DIAPH3: variants seen among roughly 807,000 people sequenced by gnomAD.
DIAPH3 encodes the protein protein diaphanous homolog 3.
In DIAPH3, 117 loss-of-function variants were observed where a neutral mutation model predicts 144.3. That is an observed-to-expected ratio of 0.81 (90% CI 0.70 to 0.95). The LOEUF (loss-of-function observed/expected upper bound fraction) is 0.95. DIAPH3 is among the 40% of genes least tolerant of loss of function. DIAPH3 has a pLI of 0.00. For synonymous variants in DIAPH3, 519 were observed against 488.9 expected, an observed-to-expected ratio of 1.06 and a Z score of -0.81; for missense variants, 1,421 against 1,412.7, an observed-to-expected ratio of 1.01 and a Z score of -0.09.
chr13:60,077,636 A>T (rs2057421738), intron 4 of DIAPH3, among the ~76,000 whole-genome samples: 1 of 152,142 alleles, frequency 6.6e-6, no homozygotes, highest in South Asian at 2.1e-4. Context: ...ACCTGCAAAC[A>T]TGTCCAGAGA....
At chr13:59,877,187 A>G (rs916358360) in intron 21 of DIAPH3, among the ~76,000 whole-genome samples, 4 of 152,080 alleles carry the variant, frequency 2.6e-5, no homozygotes, top group Non-Finnish European at 5.9e-5. Flanking sequence ...TAACAACAAA[A>G]AACCCCTGAT....
intron 14 of DIAPH3, among the ~76,000 whole-genome samples, chr13:59,975,444 G>A (rs765936514): frequency 2.0e-5 from 3 of 151,894 alleles, no homozygotes; most frequent in South Asian, 2.1e-4. Flanking sequence ...CAGATTCCCC[G>A]CCTTCAGAGT....
rs565463408 is a variant in DIAPH3, at chr13:59,730,615, T to C, written c.3319+43574A>G. Among the ~76,000 whole-genome samples the C allele has an allele frequency of 1.6e-4, 25 of 152,240 alleles. 1 individual carries two copies. Among genetic ancestry groups the C allele is most frequent in the Middle Eastern group, 3.4e-3 (1 of 294 alleles). On this transcript the variant is annotated intron_variant, in intron 27 of 27. Transcript: ENST00000400324. ...AATATAGACTTAGTTAAAGGTAAAA[T>C]GAAATTGGTATAAAAAGTATAGTAG...
intron 5 of DIAPH3, among the ~76,000 whole-genome samples, chr13:60,030,911 T>C (rs1217668834): frequency 6.6e-6 from 1 of 152,166 alleles, no homozygotes; most frequent in African/African-American, 2.4e-5. Flanking sequence ...CAGGCTTCTG[T>C]TCAAATGCGC....
chr13:59,894,756 A>C (rs1024733886), intron 20 of DIAPH3, among the ~76,000 whole-genome samples: 1 of 152,118 alleles, frequency 6.6e-6, no homozygotes, highest in African/African-American at 2.4e-5. Context: ...AAGGAAACTT[A>C]TAACAATATT....
intron 27 of DIAPH3, among the ~76,000 whole-genome samples, chr13:59,740,801 T>C (rs910583381): frequency 3.3e-5 from 5 of 152,134 alleles, no homozygotes; most frequent in African/African-American, 9.7e-5. Flanking sequence ...TTCATATTTT[T>C]CACACTATTA....
chr13:59,733,760 G>A (rs905802501), intron 27 of DIAPH3, among the ~76,000 whole-genome samples: 5 of 152,284 alleles, frequency 3.3e-5, no homozygotes, highest in South Asian at 4.1e-4. Context: ...TATGGAATAC[G>A]ACACTTCCCT....
chr13:59,976,708 C>G (rs189688228), intron 14 of DIAPH3, among the ~76,000 whole-genome samples: 107 of 151,746 alleles, frequency 7.1e-4, no homozygotes, highest in Non-Finnish European at 1.3e-3. Context: ...CCTCACCCTC[C>G]TCCTGCTTGT....
At chr13:60,132,850 C>A in intron 2 of DIAPH3, 107 bp downstream of exon 2, 1 of 911,984 alleles carries the variant, frequency 1.1e-6, no homozygotes, top group Non-Finnish European at 1.8e-6. Flanking sequence ...AGTACGTTTC[C>A]AATATATGTG....
chr13:59,691,044 A>C (rs1287804932), intron 27 of DIAPH3, among the ~76,000 whole-genome samples: 2 of 152,150 alleles, frequency 1.3e-5, no homozygotes, highest in Non-Finnish European at 2.9e-5. Flanking sequence ...TGTCAAATAA[A>C]GAAGAATAGT....
intron 4 of DIAPH3, among the ~76,000 whole-genome samples, chr13:60,054,334 T>C (rs897346720): frequency 6.6e-6 from 1 of 152,036 alleles, no homozygotes; most frequent in African/African-American, 2.4e-5. Context: ...CTCCATAACA[T>C]TTACTTTGTA....
intron 3 of DIAPH3, 135 bp downstream of exon 3, chr13:60,111,875 G>T: frequency 1.2e-6 from 1 of 818,398 alleles, no homozygotes; most frequent in Non-Finnish European, 1.9e-6. Context: ...ACTCTTTGTG[G>T]CTGAAGTGCT....
Position 60,031,806 on chromosome 13 carries a change from C to T in DIAPH3, c.626+10884G>A, listed in dbSNP as rs140197420. 1.8e-3 allele frequency among the ~76,000 whole-genome samples: 226 copies of T among 127,378 alleles called. 1 individual carries two copies. The highest frequency in any genetic ancestry group is 0.013 in the Admixed American group (129 of 9,902). 83.6% of individuals were successfully genotyped at this position (127,378 alleles called of 152,430 possible). ...GTCACCAGGCTGGAGTGCAGTGGCA[C>T]GATCTTGGCTCACTGCAACCTCCGT... On this transcript the variant is annotated intron_variant, in intron 5 of 27. Coordinates refer to ENST00000400324, the MANE Select transcript of DIAPH3 (RefSeq NM_001042517.2).
intron 24 of DIAPH3, among the ~76,000 whole-genome samples, chr13:59,831,024 G>C (rs73196129): frequency 0.042 from 6,414 of 151,768 alleles, 157 homozygotes; most frequent in African/African-American, 0.05. Context: ...AAGATTATAT[G>C]GGTTTAAATT....
At chr13:59,930,446 G>A (rs1167800037) in intron 17 of DIAPH3, among the ~76,000 whole-genome samples, 1 of 152,116 alleles carries the variant, frequency 6.6e-6, no homozygotes, top group Non-Finnish European at 1.5e-5. Flanking sequence ...CCTAAGCAAA[G>A]CTTGAAAGGA....
chr13:60,117,707 G>A (rs928504049), intron 2 of DIAPH3, among the ~76,000 whole-genome samples: 1 of 152,092 alleles, frequency 6.6e-6, no homozygotes, highest in African/African-American at 2.4e-5. Flanking sequence ...TGATGAAATT[G>A]CACACACGAT....
At chr13:59,915,090 A>G (rs2047165331) in intron 19 of DIAPH3, among the ~76,000 whole-genome samples, 1 of 152,192 alleles carries the variant, frequency 6.6e-6, no homozygotes, top group Non-Finnish European at 1.5e-5. Context: ...CTAATTCATT[A>G]TAAGAAATAC....
intron 27 of DIAPH3, among the ~76,000 whole-genome samples, chr13:59,689,602 A>G (rs1305485383): frequency 6.6e-6 from 1 of 152,060 alleles, no homozygotes; most frequent in Non-Finnish European, 1.5e-5. Context: ...GTAAGAAACG[A>G]GAAGACTGCT....
intron 27 of DIAPH3, among the ~76,000 whole-genome samples, chr13:59,674,457 T>A (rs544681375): frequency 6.6e-6 from 1 of 152,300 alleles, no homozygotes; most frequent in Admixed American, 6.5e-5. Flanking sequence ...TACTTTTCGA[T>A]GATTCATTTT....
Sources: gnomAD v4.1 joint callset for allele counts (sites outside exome capture counted in the v4.1 genomes callset) on GRCh38, gnomAD v4.1.1 for gene constraint, MANE v1.5 for transcripts, NCBI Gene and HGNC (gene_info 2026-07-23, HGNC 2026-07-21) for gene names.